The following KCNIP4 variants were observed in gnomAD, a reference collection of about 807,000 sequenced individuals.
The protein encoded by KCNIP4 is potassium voltage-gated channel interacting protein 4.
In KCNIP4, 12 loss-of-function variants were observed where a neutral mutation model predicts 34.0. The ratio of observed to expected loss-of-function variants is 0.35; its 90% CI spans 0.23 to 0.57. The LOEUF (loss-of-function observed/expected upper bound fraction) is 0.57. Ranked by LOEUF, KCNIP4 falls within the 20% of genes least tolerant of loss-of-function variation. The probability of loss-of-function intolerance (pLI) is 0.83; values close to 1 mark genes in which losing one functional copy is unlikely to be tolerated. For synonymous variants in KCNIP4, 124 were observed against 102.2 expected (o/e 1.21, Z -1.29); for missense variants, 238 against 311.7 (o/e 0.76, Z 1.78).
chr4:21,890,141 C>T lies in KCNIP4; in HGVS notation c.61+58430G>A, dbSNP rs74929376. Among the ~76,000 whole-genome samples, 690 of 152,092 alleles carry T rather than the reference C, an allele frequency of 4.5e-3. 30 individuals carry two copies. In the East Asian group the frequency reaches 0.099, roughly 22 times the overall value. On this transcript the variant is annotated intron_variant, in intron 1 of 8. Transcript: ENST00000382152. Reference sequence around the variant, plus strand: ...TAAATGAAGACCTGTCTTAATGCACCGTATGTTATAATTCACATCATTCAG... The same window carrying T: ...TAAATGAAGACCTGTCTTAATGCACTGTATGTTATAATTCACATCATTCAG...
At chr4:20,831,409 C>T (rs1035487808) in intron 3 of KCNIP4, among the ~76,000 whole-genome samples, 2 of 152,112 alleles carry the variant, frequency 1.3e-5, no homozygotes, top group Non-Finnish European at 2.9e-5. Flanking sequence ...GTCTCTGGCA[C>T]TAGTGATGCA....
intron 1 of KCNIP4, among the ~76,000 whole-genome samples, chr4:21,767,684 G>T (rs141573077): frequency 6.6e-6 from 1 of 150,972 alleles, no homozygotes; most frequent in African/African-American, 2.4e-5. Flanking sequence ...TATATAAAAC[G>T]TTAAATAACT....
chr4:21,502,014 C>A (rs550535973), intron 1 of KCNIP4, among the ~76,000 whole-genome samples: 30 of 144,894 alleles, frequency 2.1e-4, no homozygotes, highest in African/African-American at 7.7e-4. Context: ...CACACACACA[C>A]AAGCACACAC....
intron 1 of KCNIP4, among the ~76,000 whole-genome samples, chr4:21,040,530 A>T (rs1741864405): frequency 6.6e-6 from 1 of 152,318 alleles, no homozygotes; most frequent in African/African-American, 2.4e-5. Context: ...TACTATCAAA[A>T]TATTTTTAAA....
At chr4:21,487,955 C>A (rs536990532) in intron 1 of KCNIP4, among the ~76,000 whole-genome samples, 2 of 152,140 alleles carry the variant, frequency 1.3e-5, no homozygotes, top group South Asian at 2.1e-4. Context: ...TAGAATCAAC[C>A]ATTTCTCCAA....
chr4:20,850,438 T>C (rs1720884030), intron 3 of KCNIP4, 105 bp downstream of exon 3: 2 of 1,193,704 alleles, frequency 1.7e-6, no homozygotes, highest in Non-Finnish European at 2.4e-6. Context: ...GAAATATACA[T>C]ATGATGGGGC....
intron 1 of KCNIP4, among the ~76,000 whole-genome samples, chr4:20,926,510 G>A (rs41389548): frequency 0.13 from 20,518 of 152,160 alleles, 1,942 homozygotes; most frequent in African/African-American, 0.28. Context: ...ACCTTCAGCT[G>A]CATTCATGAA....
chr4:21,281,003 C>T (rs112133606), intron 1 of KCNIP4, among the ~76,000 whole-genome samples: 2,735 of 152,034 alleles, frequency 0.018, 29 homozygotes, highest in South Asian at 0.024. Context: ...ACAGCTATCA[C>T]GTCCTCAATT....
chr4:21,376,554 C>T (rs1020119900), intron 1 of KCNIP4, among the ~76,000 whole-genome samples: 2 of 152,198 alleles, frequency 1.3e-5, no homozygotes, highest in African/African-American at 4.8e-5. Context: ...AAATTCATCA[C>T]AAGTATATGC....
intron 1 of KCNIP4, among the ~76,000 whole-genome samples, chr4:21,074,165 G>A (rs12498756): frequency 0.097 from 14,744 of 152,176 alleles, 882 homozygotes; most frequent in African/African-American, 0.17. Context: ...ATGAGTTAGG[G>A]AGGATTCCCT....
rs1271401789 is a variant in KCNIP4, at chr4:21,088,472, A to G, written c.62-205763T>C. ...ACCCTACAAATGCTTTCTGTACACA[A>G]TGACCACAAGATATCAACAAAAAGC... On this transcript the variant is annotated intron_variant, in intron 1 of 8. Coordinates refer to ENST00000382152, the MANE Select transcript of KCNIP4 (RefSeq NM_025221.6). 5.9e-5 allele frequency among the ~76,000 whole-genome samples: 9 copies of G among 152,206 alleles called. 1 individual carries two copies. The South Asian group carries it at 1.7e-3, about 28-fold the overall frequency.
At chr4:21,360,077 C>T (rs375585215) in intron 1 of KCNIP4, among the ~76,000 whole-genome samples, 2 of 152,104 alleles carry the variant, frequency 1.3e-5, no homozygotes, top group Middle Eastern at 3.4e-3. Flanking sequence ...CTCTACTGTG[C>T]GTGTAACTCC....
chr4:21,710,984 T>C (rs896089918), intron 1 of KCNIP4, among the ~76,000 whole-genome samples: 3 of 152,230 alleles, frequency 2.0e-5, no homozygotes, highest in Non-Finnish European at 4.4e-5. Context: ...GCTTTATTTT[T>C]TCTATAGATT....
chr4:21,110,195 T>C (rs1197398932), intron 1 of KCNIP4, among the ~76,000 whole-genome samples: 1 of 152,226 alleles, frequency 6.6e-6, no homozygotes, highest in African/African-American at 2.4e-5. Flanking sequence ...ATTTTAATGA[T>C]ACAAAATAAA....
chr4:20,821,060 A>G (rs534881621), intron 3 of KCNIP4, among the ~76,000 whole-genome samples: 2 of 152,166 alleles, frequency 1.3e-5, no homozygotes, highest in Non-Finnish European at 2.9e-5. Context: ...CAGAGCCTCT[A>G]CTAGGGTAAT....
At chr4:21,610,488 T>C (rs1052292563) in intron 1 of KCNIP4, among the ~76,000 whole-genome samples, 1 of 152,192 alleles carries the variant, frequency 6.6e-6, no homozygotes, top group Non-Finnish European at 1.5e-5. Flanking sequence ...TATAGTTTCA[T>C]TTGAGGTACT....
chr4:20,984,038 G>T, intron 1 of KCNIP4: 2 of 1,475,074 alleles, frequency 1.4e-6, no homozygotes, highest in African/African-American at 1.4e-5. Flanking sequence ...GGGAAAAAGT[G>T]AGCAGCTCCT....
chr4:21,647,942 C>T (rs1044323770), intron 1 of KCNIP4, among the ~76,000 whole-genome samples: 1 of 138,134 alleles, frequency 7.2e-6, no homozygotes, highest in Non-Finnish European at 1.5e-5. Flanking sequence ...GGCGTGATCT[C>T]GGCTCATTGC....
intron 1 of KCNIP4, among the ~76,000 whole-genome samples, chr4:21,516,087 A>G (rs1734734845): frequency 6.6e-6 from 1 of 152,208 alleles, no homozygotes; most frequent in Non-Finnish European, 1.5e-5. Context: ...AAACTGGTTG[A>G]TGAATGAAAA....
Sources: allele counts gnomAD v4.1 joint callset (sites outside exome capture counted in the v4.1 genomes callset), GRCh38; gene constraint gnomAD v4.1.1; transcripts MANE v1.5; gene names NCBI Gene and HGNC (gene_info 2026-07-23, HGNC 2026-07-21).